CRHR2: variants seen among roughly 807,000 people sequenced by gnomAD.
CRHR2 encodes the protein corticotropin-releasing hormone receptor 2.
In CRHR2, 53 loss-of-function variants were observed where a neutral mutation model predicts 57.9. The ratio of observed to expected loss-of-function variants is 0.92; its 90% CI spans 0.73 to 1.15. CRHR2 has a LOEUF of 1.15. Among genes scored for constraint, CRHR2 ranks in the 50% most tolerant of loss-of-function variants. CRHR2 has a pLI of 0.00. For synonymous variants in CRHR2, 213 were observed against 220.9 expected, an observed-to-expected ratio of 0.96 and a Z score of 0.32; for missense variants, 532 against 542.6, an observed-to-expected ratio of 0.98 and a Z score of 0.19.
rs568195912 is a variant in CRHR2, at chr7:30,681,792, G to C, written c.229+123C>G. ...ACACTGTAAGGGGTCCTTAACGCCC[G>C]CGGTCCGCGGTACCGCGGCCGTCAG... On this transcript the variant is annotated intron_variant, in intron 2 of 11. Coordinates refer to ENST00000471646, the MANE Select transcript of CRHR2 (RefSeq NM_001883.5). The C allele has an allele frequency of 1.1e-4, 153 of 1,393,502 alleles. 2 individuals are homozygous for C. In the East Asian group the frequency reaches 4.1e-3, roughly 37 times the overall value. The allele number at this position is 1,393,502 out of a possible 1,614,324, so 86.3% of individuals were successfully genotyped here. A position where few individuals can be genotyped will look rare whatever the true frequency, so the allele number is the denominator to read the frequency against.
rs1190632727 is a variant in CRHR2 at position 30,700,055 on chromosome 7, G to T, written c.-372C>A. Reference sequence around the variant, plus strand: ...TCATGCCAGTAGTGGCTGGGGGTTAGGGACTGGAGCCTGCTGCCCAGCACG... The same window carrying T: ...TCATGCCAGTAGTGGCTGGGGGTTATGGACTGGAGCCTGCTGCCCAGCACG... On this transcript the variant is annotated 5_prime_UTR_variant, in exon 1 of 14. Coordinates refer to the CRHR2 transcript ENST00000341843. 8.7e-6 allele frequency: 12 copies of T among 1,376,808 alleles called. No homozygotes were observed. The East Asian group carries it at 1.2e-4, about 14-fold the overall frequency. The allele number at this position is 1,376,808 out of a possible 1,614,324, so 85.3% of individuals were successfully genotyped here. A position where few individuals can be genotyped will look rare whatever the true frequency, so the allele number is the denominator to read the frequency against.
At position 30,655,729 on chromosome 7, in the gene CRHR2, G is replaced by T. The variant is rs1413469828; in HGVS notation, c.918-14C>A. The T allele has an allele frequency of 6.2e-7, 1 of 1,611,852 alleles. No individual in the cohort carries two copies. Among genetic ancestry groups the T allele is most frequent in the Non-Finnish European group, 8.5e-7 (1 of 1,178,790 alleles). On this transcript the variant is annotated splice_polypyrimidine_tract_variant and intron_variant, in intron 9 of 11. Coordinates refer to ENST00000471646, the MANE Select transcript of CRHR2 (RefSeq NM_001883.5). ...TTCACTGCCTTCCTGGGGGCGAGAG[G>T]TGGACACAGGTCTGAGCCCATGCGG...
chr7:30,661,455 CA>C (rs1229725916), intron 7 of CRHR2, among the ~76,000 whole-genome samples: 5 of 152,220 alleles, frequency 3.3e-5, no homozygotes, highest in Non-Finnish European at 7.3e-5. Context: ...TTTACTCTTA[CA>C]AGCTCTTCCT....
At chr7:30,686,433 C>G, upstream of CRHR2, 2 of 1,533,502 alleles carry the variant, frequency 1.3e-6, no homozygotes, top group Non-Finnish European at 1.7e-6. Context: ...GTCTTCAGGC[C>G]AAGGCTCTCT....
intron 1 of CRHR2, among the ~76,000 whole-genome samples, chr7:30,696,638 C>T (rs1339488632): frequency 2.0e-5 from 3 of 152,170 alleles, no homozygotes; most frequent in East Asian, 1.9e-4. Flanking sequence ...GCAGGAGAAT[C>T]GCTTGAACCC....
chr7:30,678,568 C>G (rs954466047), intron 2 of CRHR2, among the ~76,000 whole-genome samples: 1 of 152,140 alleles, frequency 6.6e-6, no homozygotes. Flanking sequence ...ACCCAGCCTC[C>G]CAAACTCACA....
chr7:30,694,595 G>A (rs376883163), intron 1 of CRHR2, among the ~76,000 whole-genome samples: 6 of 152,294 alleles, frequency 3.9e-5, no homozygotes, highest in East Asian at 3.9e-4. Context: ...GCCAGGGACC[G>A]GAGGGGAATG....
At chr7:30,688,905 T>G in intron 2 of CRHR2, 1 of 552,848 alleles carries the variant, frequency 1.8e-6, no homozygotes, top group Non-Finnish European at 3.5e-6. Context: ...GGTCATCCCC[T>G]TCTTGGACTC....
Position 30,653,474 on chromosome 7 carries a change from T to C in CRHR2, c.1222A>G (p.Thr408Ala). The C allele has an allele frequency of 6.2e-7, 1 of 1,613,338 alleles. No homozygotes were observed. The highest frequency in any genetic ancestry group is 8.5e-7 in the Non-Finnish European group (1 of 1,179,836). The change falls in exon 12 of 12, where the codon ACG (threonine) becomes GCG (alanine). Residue 408 changes from threonine to alanine, a missense_variant. Physicochemically the swap from Thr to Ala is moderately conservative, Grantham distance 58 (BLOSUM62 0). Transcript: ENST00000471646. This position sits in a 1 kb window ranked among gnomAD's most constrained non-coding sequence, Gnocchi z 5.0. ...TRISFHSIKQ[T>A]AAV Reference sequence around the variant, plus strand: ...CGACCGAGGGGTCACACAGCGGCCGTCTGCTTGATGCTGTGGAAGCTGATC... The same window carrying C: ...CGACCGAGGGGTCACACAGCGGCCGCCTGCTTGATGCTGTGGAAGCTGATC...
In CRHR2 at chr7:30,662,768, T is replaced by G. The variant is rs1162721998; in HGVS notation, c.623A>C (p.Tyr208Ser). Residue 208 changes from tyrosine to serine, a missense_variant, in exon 6 of 12, where the codon TAC (tyrosine) becomes TCC (serine). Physicochemically the swap from Tyr to Ser is moderately radical, Grantham distance 144. Transcript: ENST00000471646. The part of the protein sequence containing the change: ...NFFWMFVEGC[Y>S]LHTAIVMTYS... ...GGTCATGACAATGGCCGTGTGCAGG[T>G]AGCAGCCTTCCACAAACATCCAGAA... The G allele has an allele frequency of 1.9e-6, 3 of 1,614,186 alleles. No homozygotes were observed. Among genetic ancestry groups the G allele is most frequent in the Non-Finnish European group, 2.5e-6 (3 of 1,180,040 alleles).
At chr7:30,655,174 G>T in intron 10 of CRHR2, 94 bp from the exon 11 acceptor site, 2 of 1,391,166 alleles carry the variant, frequency 1.4e-6, no homozygotes, top group Non-Finnish European at 1.0e-6. Context: ...GGTGGGGGGG[G>T]GACAATTTGA....
intron 1 of CRHR2, among the ~76,000 whole-genome samples, chr7:30,692,316 G>A (rs1562812035): frequency 6.6e-6 from 1 of 152,120 alleles, no homozygotes; most frequent in African/African-American, 2.4e-5. Context: ...GAAACCCTGT[G>A]CCCCCCTTCC....
chr7:30,673,418 A>G (rs1784424819), intron 2 of CRHR2, among the ~76,000 whole-genome samples: 1 of 151,522 alleles, frequency 6.6e-6, no homozygotes, highest in African/African-American at 2.4e-5. Flanking sequence ...GGGTCTCACT[A>G]TGTGGTTTTG....
chr7:30,692,264 C>T (rs1784976001), intron 1 of CRHR2, among the ~76,000 whole-genome samples: 1 of 152,164 alleles, frequency 6.6e-6, no homozygotes, highest in South Asian at 2.1e-4. Context: ...TCGGGACTCC[C>T]AAGGCCCAGC....
At chr7:30,692,701 A>G (rs567953110) in intron 1 of CRHR2, among the ~76,000 whole-genome samples, 138 of 152,328 alleles carry the variant, frequency 9.1e-4, no homozygotes, top group African/African-American at 3.1e-3. Context: ...ACGTGAAGTC[A>G]GCACTTACTC....
chr7:30,694,426 G>T (rs559750907), intron 1 of CRHR2, among the ~76,000 whole-genome samples: 1 of 152,206 alleles, frequency 6.6e-6, no homozygotes, highest in African/African-American at 2.4e-5. Flanking sequence ...ACCTGTGCCC[G>T]GGGCCCCGAC....
In CRHR2 at chr7:30,682,284, G is replaced by A. The variant is rs1784744289; in HGVS notation, c.-4C>T. 2 of 1,563,074 alleles carry A rather than the reference G, an allele frequency of 1.3e-6. No homozygotes were observed. Among genetic ancestry groups the A allele is most frequent in the African/African-American group, 1.4e-5 (1 of 71,440 alleles). On this transcript the variant is annotated 5_prime_UTR_variant, in exon 1 of 12. The change creates a new upstream start codon in the 5' untranslated region. Transcript: ENST00000471646. ...TGTGGAGCAGTGCCGCGTCCATCGC[G>A]TCCCGCAGCCGCGTGCGGAGAGGGA...
At chr7:30,683,902 G>A (rs1203892161), upstream of CRHR2, among the ~76,000 whole-genome samples, 1 of 152,214 alleles carries the variant, frequency 6.6e-6, no homozygotes, top group Non-Finnish European at 1.5e-5. Flanking sequence ...TGGGCAGAGA[G>A]AGGCAAAGCA....
At chr7:30,677,057 C>T (rs1784541494) in intron 2 of CRHR2, among the ~76,000 whole-genome samples, 1 of 152,108 alleles carries the variant, frequency 6.6e-6, no homozygotes, top group Non-Finnish European at 1.5e-5. Flanking sequence ...GGTGGCAAGA[C>T]CCTCCTTTGC....
Sources: allele counts gnomAD v4.1 joint callset (sites outside exome capture counted in the v4.1 genomes callset), GRCh38; gene constraint gnomAD v4.1.1; non-coding constraint Gnocchi (gnomAD v3.1); transcripts MANE v1.5; gene names NCBI Gene and HGNC (gene_info 2026-07-23, HGNC 2026-07-21).